CCDC102B: variants seen among roughly 807,000 people sequenced by gnomAD.
The protein encoded by CCDC102B is coiled-coil domain-containing protein 102B.
CCDC102B carries 75 observed loss-of-function variants against 57.4 expected under a neutral mutation model. That is an observed-to-expected ratio of 1.31 (90% CI 1.08 to 1.58). The LOEUF (loss-of-function observed/expected upper bound fraction) is 1.58, where lower values mean the gene tolerates loss of function less well. CCDC102B is among the 40% of genes most tolerant of loss of function. The pLI is 0.00. For missense variants in CCDC102B, 636 were observed against 582.6 expected, an observed-to-expected ratio of 1.09 and a Z score of -0.94; for synonymous variants, 206 against 201.9, an observed-to-expected ratio of 1.02 and a Z score of -0.17.
intron 1 of CCDC102B, among the ~76,000 whole-genome samples, chr18:68,799,021 A>G (rs1038544243): frequency 6.6e-6 from 1 of 152,052 alleles, no homozygotes; most frequent in Non-Finnish European, 1.5e-5. Context: ...ATTTACATCA[A>G]TACCAGTTTT....
At chr18:68,790,973 G>A (rs888455193) in intron 2 of CCDC102B, among the ~76,000 whole-genome samples, 1 of 152,150 alleles carries the variant, frequency 6.6e-6, no homozygotes, top group African/African-American at 2.4e-5. Flanking sequence ...GTAATATTTT[G>A]TTGTCAGAAA....
At chr18:68,904,124 TAG>T in intron 6 of CCDC102B, among the ~76,000 whole-genome samples, 1 of 149,584 alleles carries the variant, frequency 6.7e-6, no homozygotes, top group Non-Finnish European at 1.5e-5. Flanking sequence ...TGTTATAAAA[TAG>T]AAATTATTAT....
intron 2 of CCDC102B, among the ~76,000 whole-genome samples, chr18:68,728,901 A>T (rs1453585505): frequency 6.6e-6 from 1 of 152,110 alleles, no homozygotes; most frequent in African/African-American, 2.4e-5. Flanking sequence ...GGAAAGCAAA[A>T]TTGTTATTAA....
At chr18:68,832,742 C>T (rs2037199978) in intron 1 of CCDC102B, among the ~76,000 whole-genome samples, 1 of 149,964 alleles carries the variant, frequency 6.7e-6, no homozygotes, top group Non-Finnish European at 1.5e-5. Flanking sequence ...TAACCTGCTA[C>T]CTGAAGGATG....
chr18:68,972,486 A>G lies in CCDC102B; in HGVS notation c.1264-38448A>G, dbSNP rs1405833731. Among the ~76,000 whole-genome samples, 11 of 152,176 alleles carry G rather than the reference A, an allele frequency of 7.2e-5. No homozygotes were observed. The East Asian group carries it at 1.9e-3, about 27-fold the overall frequency. On this transcript the variant is annotated intron_variant, in intron 6 of 7. Coordinates refer to ENST00000360242, the MANE Select transcript of CCDC102B (RefSeq NM_024781.3). ...ATTGCCTAACAGCATTCTAGGTAAC[A>G]TTCTGATTTCTATCTGTTCAGATTT... is the stretch of plus-strand genomic sequence containing the variant.
At chr18:68,847,642 A>G (rs1398211063) in intron 4 of CCDC102B, among the ~76,000 whole-genome samples, 2 of 151,854 alleles carry the variant, frequency 1.3e-5, no homozygotes, top group Non-Finnish European at 2.9e-5. Context: ...AGTGAGAGAA[A>G]AAATAAAAGT....
At chr18:68,958,110 A>G (rs1278580917) in intron 6 of CCDC102B, among the ~76,000 whole-genome samples, 1 of 152,116 alleles carries the variant, frequency 6.6e-6, no homozygotes, top group East Asian at 1.9e-4. Flanking sequence ...TCAACTTTTT[A>G]AACTATCAGG....
chr18:68,736,885 T>C (rs1456839185), intron 2 of CCDC102B, among the ~76,000 whole-genome samples: 2 of 152,028 alleles, frequency 1.3e-5, no homozygotes, highest in Non-Finnish European at 2.9e-5. Flanking sequence ...TCTTATGTTC[T>C]TTTTTATACT....
rs183981557 is a variant in CCDC102B, at chr18:68,853,283, C to G, written c.936+6862C>G. On this transcript the variant is annotated intron_variant, in intron 4 of 7. Coordinates refer to ENST00000360242, the MANE Select transcript of CCDC102B (RefSeq NM_024781.3). The stretch of plus-strand genomic sequence containing the variant: ...ATAAAATATACTTTTTTAAGAATAC[C>G]TACATTTGTGGGATAGAAACTTCAA... Among the ~76,000 whole-genome samples the G allele has an allele frequency of 2.6e-5, 4 of 151,994 alleles. No homozygotes were observed. The East Asian group carries it at 7.7e-4, about 29-fold the overall frequency.
intron 1 of CCDC102B, among the ~76,000 whole-genome samples, chr18:68,824,587 C>T (rs2036830727): frequency 6.6e-6 from 1 of 152,070 alleles, no homozygotes; most frequent in South Asian, 2.1e-4. Flanking sequence ...TGTTCCAGTT[C>T]TCAAGGGGAA....
At chr18:68,849,646 A>G (rs149447575) in intron 4 of CCDC102B, among the ~76,000 whole-genome samples, 19 of 152,152 alleles carry the variant, frequency 1.2e-4, no homozygotes, top group African/African-American at 4.3e-4. Flanking sequence ...ATTATCTGTT[A>G]CTCAGTGGAT....
intron 2 of CCDC102B, among the ~76,000 whole-genome samples, chr18:68,765,320 G>GAAAGAAAGAAA (rs1568238728): frequency 2.2e-3 from 88 of 40,628 alleles, no homozygotes; most frequent in Middle Eastern, 0.012. Context: ...AAGGAAGGAA[G>GAAAGAAAGAAA]GAAGGAAAGA....
chr18:68,786,187 T>A (rs2035203769), intron 2 of CCDC102B, among the ~76,000 whole-genome samples: 1 of 151,670 alleles, frequency 6.6e-6, no homozygotes, highest in Non-Finnish European at 1.5e-5. Flanking sequence ...CATTGATCTA[T>A]ATCTCTGTTT....
intron 2 of CCDC102B, among the ~76,000 whole-genome samples, chr18:68,780,486 C>G (rs1291331818): frequency 7.4e-6 from 1 of 134,538 alleles, no homozygotes; most frequent in Non-Finnish European, 1.6e-5. Flanking sequence ...TTTTTTTTTG[C>G]TTCCATAAAA....
upstream of CCDC102B, among the ~76,000 whole-genome samples, chr18:68,794,347 AC>A (rs1354520698): frequency 6.6e-6 from 1 of 152,140 alleles, no homozygotes; most frequent in East Asian, 1.9e-4. Context: ...AGTTTTCTAA[AC>A]CCATTAGATT....
Position 68,937,099 on chromosome 18 carries a change from G to T in CCDC102B, c.1263+39671G>T, listed in dbSNP as rs1365536492. On this transcript the variant is annotated intron_variant, in intron 6 of 7. Coordinates refer to ENST00000360242, the MANE Select transcript of CCDC102B (RefSeq NM_024781.3). ...AAAGATGTCGTATTTAATATGCATT[G>T]TTGATTCATTAACATTGACCTTATA... Among the ~76,000 whole-genome samples the T allele has an allele frequency of 3.9e-5, 6 of 151,968 alleles. No individual in the cohort carries two copies. The East Asian group carries it at 1.2e-3, about 29-fold the overall frequency.
At chr18:68,918,626 A>G (rs1599690074) in intron 6 of CCDC102B, among the ~76,000 whole-genome samples, 2 of 152,322 alleles carry the variant, frequency 1.3e-5, no homozygotes, top group South Asian at 4.1e-4. Flanking sequence ...AGAAAGAGAG[A>G]GAGGGAACAT....
chr18:69,005,157 C>A (rs967212678), intron 6 of CCDC102B, among the ~76,000 whole-genome samples: 6 of 152,092 alleles, frequency 3.9e-5, no homozygotes, highest in African/African-American at 1.2e-4. Context: ...ATTTAAGTAG[C>A]TGCATTTGAT....
intron 7 of CCDC102B, among the ~76,000 whole-genome samples, chr18:69,032,460 C>T (rs944151607): frequency 6.6e-6 from 1 of 152,130 alleles, no homozygotes; most frequent in Non-Finnish European, 1.5e-5. Context: ...GAGCATATTA[C>T]TTAGGTTCAT....
Sources: allele counts gnomAD v4.1 joint callset (sites outside exome capture counted in the v4.1 genomes callset), GRCh38; gene constraint gnomAD v4.1.1; transcripts MANE v1.5; gene names NCBI Gene and HGNC (gene_info 2026-07-23, HGNC 2026-07-21).